Variants in TSHZ3 observed in about 807,000 individuals in gnomAD.
TSHZ3 encodes teashirt zinc finger homeobox 3, also known as teashirt homolog 3.
A neutral mutation model predicts 64.5 loss-of-function variants in TSHZ3; 10 were observed. The ratio of observed to expected loss-of-function variants is 0.16; its 90% confidence interval spans 0.10 to 0.26. The LOEUF is 0.26. Ranked by LOEUF, TSHZ3 falls within the 10% of genes least tolerant of loss-of-function variation. The pLI is 1.00. For synonymous variants in TSHZ3, 608 were observed against 593.1 expected (o/e 1.03, Z -0.36); for missense variants, 1,242 against 1,421.7 (o/e 0.87, Z 2.03).
chr19:31,267,972 A>C (rs1976077319), intron 1 of TSHZ3, among the ~76,000 whole-genome samples: 2 of 152,034 alleles, frequency 1.3e-5, no homozygotes, highest in Non-Finnish European at 2.9e-5. Flanking sequence ...TCTCATCTTG[A>C]ATTGTAGCTC....
At chr19:31,229,505 T>C (rs1238199144) in intron 3 of TSHZ3, among the ~76,000 whole-genome samples, 1 of 152,192 alleles carries the variant, frequency 6.6e-6, no homozygotes, top group African/African-American at 2.4e-5. Flanking sequence ...TCAAGCGGAT[T>C]ATAAATTTAA....
upstream of TSHZ3, among the ~76,000 whole-genome samples, chr19:31,349,762 G>T (rs1165884281): frequency 2.0e-5 from 3 of 147,226 alleles, no homozygotes; most frequent in Admixed American, 6.7e-5. Context: ...CATCCGGGGG[G>T]ACGCGCAGCC....
chr19:31,298,406 A>ATT (rs1976698392), intron 1 of TSHZ3, among the ~76,000 whole-genome samples: 1 of 152,158 alleles, frequency 6.6e-6, no homozygotes, highest in Admixed American at 6.5e-5. Flanking sequence ...AATTAAATCA[A>ATT]ACTTTTAAAT....
intron 3 of TSHZ3, among the ~76,000 whole-genome samples, chr19:31,228,162 C>T (rs1163587493): frequency 6.6e-6 from 1 of 152,148 alleles, no homozygotes; most frequent in Non-Finnish European, 1.5e-5. Flanking sequence ...GTAGAGGGAG[C>T]ATTGCCAAGT....
chr19:31,151,709 C>G lies in TSHZ3; in HGVS notation n.907G>C, dbSNP rs571154312. 1.7e-3 allele frequency among the ~76,000 whole-genome samples: 253 copies of G among 152,298 alleles called. 1 individual carries two copies. Among genetic ancestry groups the G allele is most frequent in the Non-Finnish European group, 2.5e-3 (168 of 68,028 alleles). ...AGAGTCTGTCTCGATGCAAGAGAAT[C>G]AGTTTCGTCCCTGATGAAACATAGG... On this transcript the variant is annotated non_coding_transcript_exon_variant, in exon 7 of 7. Transcript: ENST00000651361.
chr19:31,234,480 GC>G (rs1975581254), intron 3 of TSHZ3, among the ~76,000 whole-genome samples: 1 of 152,092 alleles, frequency 6.6e-6, no homozygotes, highest in African/African-American at 2.4e-5. Context: ...AAGCATTCTG[GC>G]TTTAACCATT....
chr19:31,338,886 G>A (rs892486365), intron 1 of TSHZ3, among the ~76,000 whole-genome samples: 6 of 149,792 alleles, frequency 4.0e-5, no homozygotes, highest in Admixed American at 2.0e-4. Context: ...TTGCACATGC[G>A]AGGGTTTGTG....
chr19:31,270,112 G>A (rs1735635125), downstream of TSHZ3, among the ~76,000 whole-genome samples: 3 of 152,176 alleles, frequency 2.0e-5, no homozygotes, highest in Non-Finnish European at 4.4e-5. Context: ...TTCATACACC[G>A]GTGCCTGTAC....
intron 1 of TSHZ3, among the ~76,000 whole-genome samples, chr19:31,252,311 C>T (rs765971803): frequency 5.3e-5 from 8 of 152,192 alleles, no homozygotes; most frequent in South Asian, 4.1e-4. Context: ...CTTCGCTCCA[C>T]GGTCTCTCCC....
chr19:31,218,401 C>T (rs1023714127), intron 4 of TSHZ3, among the ~76,000 whole-genome samples: 3 of 152,178 alleles, frequency 2.0e-5, no homozygotes, highest in Non-Finnish European at 2.9e-5. Flanking sequence ...ACTGACAACA[C>T]TAAATGCTGG....
intron 1 of TSHZ3, among the ~76,000 whole-genome samples, chr19:31,248,801 A>AG (rs1555729792): frequency 7.9e-5 from 12 of 151,758 alleles, no homozygotes; most frequent in African/African-American, 1.2e-4. Flanking sequence ...AAAAAAAAAA[A>AG]AAGAAGAAGA....
At chr19:31,295,808 A>G (rs141620071) in intron 1 of TSHZ3, among the ~76,000 whole-genome samples, 26 of 151,466 alleles carry the variant, frequency 1.7e-4, no homozygotes, top group African/African-American at 6.3e-4. Flanking sequence ...TTCAGGGGGT[A>G]CAGGTACAGG....
At chr19:31,246,277 T>C (rs1975756863) in intron 1 of TSHZ3, among the ~76,000 whole-genome samples, 1 of 152,206 alleles carries the variant, frequency 6.6e-6, no homozygotes, top group African/African-American at 2.4e-5. Flanking sequence ...ATTGATCATA[T>C]TGATTAGACC....
chr19:31,243,154 G>T (rs559687078), intron 1 of TSHZ3, among the ~76,000 whole-genome samples: 56 of 152,318 alleles, frequency 3.7e-4, no homozygotes, highest in African/African-American at 1.3e-3. Context: ...TGAAAGGAAA[G>T]ATGCACATAT....
upstream of TSHZ3, among the ~76,000 whole-genome samples, chr19:31,350,793 C>G (rs949558339): frequency 7.4e-5 from 11 of 147,758 alleles, no homozygotes; most frequent in African/African-American, 2.2e-4. Context: ...GAGCGGGAGC[C>G]GGAGCCCGAG....
At chr19:31,153,659 C>A (rs1001913748) in intron 6 of TSHZ3, among the ~76,000 whole-genome samples, 2 of 152,186 alleles carry the variant, frequency 1.3e-5, no homozygotes, top group Admixed American at 1.3e-4. Flanking sequence ...TCTTCCAGAG[C>A]AAGAGCTTTG....
intron 1 of TSHZ3, among the ~76,000 whole-genome samples, chr19:31,281,377 C>A (rs971593795): frequency 6.6e-6 from 1 of 152,182 alleles, no homozygotes; most frequent in East Asian, 1.9e-4. Flanking sequence ...AGCCAAGACA[C>A]ATGGAATCCC....
chr19:31,180,562 A>G (rs1974696790), intron 5 of TSHZ3, among the ~76,000 whole-genome samples: 1 of 152,228 alleles, frequency 6.6e-6, no homozygotes, highest in South Asian at 2.1e-4. Context: ...TCACAGCCCA[A>G]CATAGCTCAG....
chr19:31,233,907 A>C (rs1336417149), intron 3 of TSHZ3, among the ~76,000 whole-genome samples: 1 of 149,120 alleles, frequency 6.7e-6, no homozygotes, highest in East Asian at 2.0e-4. Flanking sequence ...TTTTCAGATC[A>C]GTTTAGGGTA....
Sources: allele counts gnomAD v4.1 joint callset (sites outside exome capture counted in the v4.1 genomes callset), GRCh38; gene constraint gnomAD v4.1.1; transcripts MANE v1.5; gene names NCBI Gene and HGNC (gene_info 2026-07-23, HGNC 2026-07-21).